IFT81: variants seen among roughly 807,000 people sequenced by gnomAD.
IFT81 encodes intraflagellar transport 81.
IFT81 carries 72 observed loss-of-function variants against 102.6 expected under a neutral mutation model. The ratio of observed to expected loss-of-function variants is 0.70; its 90% CI spans 0.58 to 0.85. The LOEUF (loss-of-function observed/expected upper bound fraction) is 0.85. IFT81 is among the 40% of genes least tolerant of loss of function. The pLI, the probability that IFT81 is intolerant of heterozygous loss-of-function variation, is 0.00. For missense variants in IFT81, 723 were observed against 787.3 expected, an observed-to-expected ratio of 0.92 and a Z score of 0.98; for synonymous variants, 237 against 242.7, an observed-to-expected ratio of 0.98 and a Z score of 0.22.
intron 10 of IFT81, among the ~76,000 whole-genome samples, chr12:110,148,545 G>A (rs1215219773): frequency 6.6e-6 from 1 of 151,088 alleles, no homozygotes; most frequent in South Asian, 2.1e-4. Flanking sequence ...GTGCGATCTC[G>A]GCTCACTGCA....
Position 110,156,539 on chromosome 12 carries a change from C to A in IFT81, c.1042-6380C>A, listed in dbSNP as rs576927479. ...GGAGATGGAGTCTCACTTCATCGCC[C>A]AGGATGGAATGCAGTGGCATGATCT... On this transcript the variant is annotated intron_variant, in intron 10 of 18. Coordinates refer to ENST00000242591, the MANE Select transcript of IFT81 (RefSeq NM_014055.4). 3.3e-5 allele frequency among the ~76,000 whole-genome samples: 5 copies of A among 152,014 alleles called. No homozygotes were observed. In the South Asian group the frequency reaches 1.0e-3, roughly 32 times the overall value.
intron 1 of IFT81, among the ~76,000 whole-genome samples, 182 bp from the exon 2 acceptor site, chr12:110,127,178 A>C (rs1442315756): frequency 1.3e-5 from 2 of 152,244 alleles, no homozygotes; most frequent in African/African-American, 4.8e-5. Flanking sequence ...TATATACTGC[A>C]GTTTTCATAG....
chr12:110,143,461 TA>T lies in IFT81; in HGVS notation c.863del (p.Lys288ArgfsTer11), dbSNP rs767562148. On this transcript the variant is annotated frameshift_variant, in exon 9 of 19. Transcript: ENST00000242591. LOFTEE classifies it high-confidence loss of function. ...AAAAATTTCCTAAAGAATTAGAAAA[TA>T]AGAAAAAGGAATTACATTTTTTACA... ...TEKFPKELEN[K>X]KKELHFLQKV... 32 of 1,551,770 alleles carry T rather than the reference TA, an allele frequency of 2.1e-5. No individual in the cohort carries two copies. The highest frequency in any genetic ancestry group is 2.8e-5 in the Non-Finnish European group (32 of 1,159,104).
chr12:110,181,788 T>C (rs927500071), intron 12 of IFT81, among the ~76,000 whole-genome samples: 1 of 152,154 alleles, frequency 6.6e-6, no homozygotes, highest in African/African-American at 2.4e-5. Context: ...TTTCTTAAGT[T>C]GGGTCCCTAG....
chr12:110,188,309 G>A (rs917458150), intron 12 of IFT81, among the ~76,000 whole-genome samples: 2 of 150,512 alleles, frequency 1.3e-5, no homozygotes, highest in African/African-American at 2.5e-5. Flanking sequence ...TCCAGCCTGA[G>A]CGACAGAGCA....
intron 8 of IFT81, among the ~76,000 whole-genome samples, chr12:110,138,922 A>G (rs1347993185): frequency 1.3e-5 from 2 of 152,228 alleles, no homozygotes; most frequent in African/African-American, 4.8e-5. Flanking sequence ...AACTTTTCAT[A>G]GAAACATATG....
In IFT81 at chr12:110,184,256, A is replaced by G. The variant is rs547840773; in HGVS notation, c.1338+3685A>G. ...TCCCAGCCACTCGGGAGGCTGAGGCAGGAGAATGGCGTGAACCCCGGAGGC... is the reference window on the plus strand; with the variant it reads ...TCCCAGCCACTCGGGAGGCTGAGGCGGGAGAATGGCGTGAACCCCGGAGGC... On this transcript the variant is annotated intron_variant, in intron 12 of 18. Coordinates refer to ENST00000242591, the MANE Select transcript of IFT81 (RefSeq NM_014055.4). 1.2e-4 allele frequency among the ~76,000 whole-genome samples: 19 copies of G among 152,310 alleles called. No individual in the cohort carries two copies. In the East Asian group the frequency reaches 3.7e-3, roughly 29 times the overall value.
chr12:110,141,657 A>C (rs1894899456), intron 8 of IFT81, among the ~76,000 whole-genome samples: 1 of 152,152 alleles, frequency 6.6e-6, no homozygotes, highest in Non-Finnish European at 1.5e-5. Context: ...AGGCAGGCGG[A>C]TCACTTGAGG....
At chr12:110,139,501 T>A (rs1370937151) in intron 8 of IFT81, among the ~76,000 whole-genome samples, 1 of 151,578 alleles carries the variant, frequency 6.6e-6, no homozygotes, top group Non-Finnish European at 1.5e-5. Context: ...ATAGCAAGAA[T>A]CTATCTCTAC....
chr12:110,192,980 C>T (rs1212305211), intron 14 of IFT81, among the ~76,000 whole-genome samples: 1 of 151,960 alleles, frequency 6.6e-6, no homozygotes, highest in African/African-American at 2.4e-5. Context: ...GCCTGTCTAA[C>T]AACAAGACCT....
At chr12:110,169,834 A>AT (rs1254188357) in intron 11 of IFT81, among the ~76,000 whole-genome samples, 1 of 152,148 alleles carries the variant, frequency 6.6e-6, no homozygotes, top group Non-Finnish European at 1.5e-5. Flanking sequence ...AAGTGCTGGG[A>AT]TCACAGGCTT....
In IFT81 at chr12:110,203,631, C is replaced by A. The variant is rs551617471; in HGVS notation, c.1558-233C>A. 2.2e-5 allele frequency: 11 copies of A among 489,836 alleles called. No homozygotes were observed. The South Asian group carries it at 2.4e-4, about 10-fold the overall frequency. 30.3% of individuals were successfully genotyped at this position (489,836 alleles called of 1,614,324 possible). A position where few individuals can be genotyped will look rare whatever the true frequency, so the allele number is the denominator to read the frequency against. ...TGGCTGTTTTATTCACTATTGTCTC[C>A]CCAGCTCCTAACAAAGAACCTGGCA... On this transcript the variant is annotated intron_variant, in intron 14 of 18. Coordinates refer to ENST00000242591, the MANE Select transcript of IFT81 (RefSeq NM_014055.4).
At position 110,146,846 on chromosome 12, in the gene IFT81, A is replaced by G. The variant is rs1895252079; in HGVS notation, c.946-107A>G. On this transcript the variant is annotated intron_variant, in intron 9 of 18. Coordinates refer to ENST00000242591, the MANE Select transcript of IFT81 (RefSeq NM_014055.4). The stretch of plus-strand genomic sequence containing the variant: ...TAGGTGAAACTGAGACCTTGTCTTT[A>G]AAAAAAAAGAACCATAAATTCAAAG... The G allele has an allele frequency of 6.3e-6, 7 of 1,119,516 alleles. No individual in the cohort carries two copies. The South Asian group carries it at 1.6e-4, about 25-fold the overall frequency. 69.3% of individuals were successfully genotyped at this position (1,119,516 alleles called of 1,614,324 possible). A position where few individuals can be genotyped will look rare whatever the true frequency, so the allele number is the denominator to read the frequency against.
At chr12:110,138,553 C>G (rs187620851) in intron 8 of IFT81, among the ~76,000 whole-genome samples, 70 of 152,194 alleles carry the variant, frequency 4.6e-4, no homozygotes, top group African/African-American at 1.6e-3. Flanking sequence ...CTGCCTCAGC[C>G]TCTGGAGTAG....
intron 18 of IFT81, among the ~76,000 whole-genome samples, chr12:110,211,799 G>A (rs941851297): frequency 2.0e-5 from 3 of 152,046 alleles, no homozygotes; most frequent in Non-Finnish European, 2.9e-5. Context: ...AAGCCACTGC[G>A]CCCAGCCTTC....
At position 110,218,112 on chromosome 12, in the gene IFT81, G is replaced by A. The variant is rs1870371696; in HGVS notation, c.1917G>A (p.Trp639Ter). ...HGPNMKQAKM[W>*]RDLEQLMECK... is the part of the protein sequence containing the mutation. Reference sequence around the variant, plus strand: ...CAAATATGAAACAAGCAAAAATGTGGCGTGATTTGGAACAATTAATGGAAT... The same window carrying A: ...CAAATATGAAACAAGCAAAAATGTGACGTGATTTGGAACAATTAATGGAAT... The change falls in exon 19 of 19, where the codon TGG becomes TGA. Residue 639 changes from tryptophan to a stop codon, truncating the protein, a stop_gained. Coordinates refer to ENST00000242591, the MANE Select transcript of IFT81 (RefSeq NM_014055.4). LOFTEE classifies it high-confidence loss of function. 6.2e-7 allele frequency: 1 copy of A among 1,602,422 alleles called. No individual in the cohort carries two copies. The highest frequency in any genetic ancestry group is 2.2e-5 in the East Asian group (1 of 44,478).
At chr12:110,189,464 T>C (rs971128592) in intron 12 of IFT81, among the ~76,000 whole-genome samples, 2 of 152,140 alleles carry the variant, frequency 1.3e-5, no homozygotes, top group African/African-American at 4.8e-5. Context: ...TTCTCCTGCC[T>C]CAGCCTCCCA....
At chr12:110,169,015 T>TCCTTCCTC (rs1320381928) in intron 11 of IFT81, 36 of 141,780 alleles carry the variant, frequency 2.5e-4, no homozygotes, top group African/African-American at 9.1e-4. Context: ...TTCTTTCTTT[T>TCCTTCCTC]CCTTCCTCCC....
At chr12:110,214,338 G>A (rs1180155859) in intron 18 of IFT81, among the ~76,000 whole-genome samples, 1 of 151,594 alleles carries the variant, frequency 6.6e-6, no homozygotes, top group Non-Finnish European at 1.5e-5. Flanking sequence ...CCAATGACTA[G>A]CTCATTCCCC....
Sources: allele counts gnomAD v4.1 joint callset (sites outside exome capture counted in the v4.1 genomes callset), GRCh38; gene constraint gnomAD v4.1.1; transcripts MANE v1.5; gene names NCBI Gene and HGNC (gene_info 2026-07-23, HGNC 2026-07-21).